The following ELFN1 variants were observed in gnomAD, a reference collection of about 807,000 sequenced individuals.
The protein encoded by ELFN1 is extracellular leucine rich repeat and fibronectin type III domain containing 1, also known as protein ELFN1.
In ELFN1, 6 loss-of-function variants were observed where a neutral mutation model predicts 7.6. That is an observed-to-expected ratio of 0.79 (90% CI 0.43 to 1.56). The LOEUF (loss-of-function observed/expected upper bound fraction) is 1.56, where lower values mean the gene tolerates loss of function less well. ELFN1 is among the 40% of genes most tolerant of loss of function. The pLI, the probability that ELFN1 is intolerant of heterozygous loss-of-function variation, is 0.01. For missense variants in ELFN1, 1,169 were observed against 1,232.2 expected, an observed-to-expected ratio of 0.95 and a Z score of 0.77; for synonymous variants, 657 against 588.1, an observed-to-expected ratio of 1.12 and a Z score of -1.70.
chr7:1,679,686 G>C (rs948216518), intron 1 of ELFN1, among the ~76,000 whole-genome samples: 1 of 152,222 alleles, frequency 6.6e-6, no homozygotes, highest in African/African-American at 2.4e-5. Context: ...CCCACCAAGC[G>C]GGGTGGCATT....
chr7:1,715,295 G>A (rs1779795411), intron 3 of ELFN1, among the ~76,000 whole-genome samples: 1 of 152,170 alleles, frequency 6.6e-6, no homozygotes, highest in Non-Finnish European at 1.5e-5. Flanking sequence ...GCTGGCATTT[G>A]TGAGATGAGC....
chr7:1,730,611 A>T (rs1269742937), intron 3 of ELFN1, among the ~76,000 whole-genome samples: 2 of 152,266 alleles, frequency 1.3e-5, no homozygotes, highest in Non-Finnish European at 2.9e-5. Context: ...AAGGCATTTG[A>T]TAAAATCCAG....
Position 1,705,448 on chromosome 7 carries a change from A to G in ELFN1, c.-455-3643A>G, listed in dbSNP as rs1364543984. Among the ~76,000 whole-genome samples, 10 of 152,060 alleles carry G rather than the reference A, an allele frequency of 6.6e-5. No individual in the cohort carries two copies. The East Asian group carries it at 1.9e-3, about 29-fold the overall frequency. On this transcript the variant is annotated intron_variant, in intron 2 of 3. Transcript: ENST00000424383. The surrounding 1 kb of genome is among the most constrained non-coding windows in gnomAD (Gnocchi z 4.3). ...TCTTCATCCTGGAAGGAGGAGGAGG[A>G]GCTCCCCCCAACCGCCAGGGTGCCA...
At chr7:1,727,134 G>C (rs1400953508) in intron 3 of ELFN1, among the ~76,000 whole-genome samples, 1 of 152,114 alleles carries the variant, frequency 6.6e-6, no homozygotes, top group African/African-American at 2.4e-5. Flanking sequence ...TTCCTTCCCT[G>C]CCCACACCCA....
At chr7:1,708,147 G>A (rs1265003067) in intron 2 of ELFN1, among the ~76,000 whole-genome samples, 1 of 152,186 alleles carries the variant, frequency 6.6e-6, no homozygotes, top group Non-Finnish European at 1.5e-5. Context: ...AGATGCAAAA[G>A]CATCATTCAT....
rs142663980 is a variant in ELFN1, at chr7:1,727,016, G to A, written c.-293-17288G>A. Reference sequence around the variant, plus strand: ...GCACACAGCAGCAGGCAACAGGATCGGTGTCCAGCATCGGGGTCGGGCTGT... The same window carrying A: ...GCACACAGCAGCAGGCAACAGGATCAGTGTCCAGCATCGGGGTCGGGCTGT... On this transcript the variant is annotated intron_variant, in intron 3 of 3. Coordinates refer to ENST00000424383, the MANE Select transcript of ELFN1 (RefSeq NM_001128636.4). Among the ~76,000 whole-genome samples, 23 of 152,300 alleles carry A rather than the reference G, an allele frequency of 1.5e-4. 1 individual carries two copies. Among genetic ancestry groups the A allele is most frequent in the South Asian group, 4.1e-4 (2 of 4,822 alleles).
rs1778806557 is a variant in ELFN1 at position 1,673,430 on chromosome 7, A to G, written c.-549+3076A>G. ...CACCCTGAGCCAGTCAGTGGCACCGACAGTAAACAGGAAGCAGGGTGGCAG... is the reference window on the plus strand; with the variant it reads ...CACCCTGAGCCAGTCAGTGGCACCGGCAGTAAACAGGAAGCAGGGTGGCAG... On this transcript the variant is annotated intron_variant, in intron 1 of 3. Transcript: ENST00000424383. This position sits in a 1 kb window ranked among gnomAD's most constrained non-coding sequence, Gnocchi z 4.7. Among the ~76,000 whole-genome samples, 1 of 152,148 alleles carries G rather than the reference A, an allele frequency of 6.6e-6. No individual in the cohort carries two copies. The highest frequency in any genetic ancestry group is 1.5e-5 in the Non-Finnish European group (1 of 68,012).
intron 3 of ELFN1, among the ~76,000 whole-genome samples, chr7:1,712,986 A>T (rs1023911668): frequency 6.6e-6 from 1 of 152,196 alleles, no homozygotes; most frequent in Non-Finnish European, 1.5e-5. Flanking sequence ...TACTGCCCTG[A>T]GCATGGAGTG....
At chr7:1,728,340 C>T (rs1260013653) in intron 3 of ELFN1, among the ~76,000 whole-genome samples, 2 of 152,268 alleles carry the variant, frequency 1.3e-5, no homozygotes, top group African/African-American at 4.8e-5. Flanking sequence ...CTCTTTCAGA[C>T]CAACCGCATT....
chr7:1,715,595 C>A (rs983407404), intron 3 of ELFN1, among the ~76,000 whole-genome samples: 3 of 152,254 alleles, frequency 2.0e-5, no homozygotes, highest in Non-Finnish European at 2.9e-5. Flanking sequence ...CCTCCTCCTG[C>A]AGGCAGGCCA....
At chr7:1,688,659 T>C (rs1779102248) in intron 2 of ELFN1, among the ~76,000 whole-genome samples, 1 of 152,194 alleles carries the variant, frequency 6.6e-6, no homozygotes, top group Non-Finnish European at 1.5e-5. Flanking sequence ...GTACAGTCCC[T>C]TGCAATTGTG....
chr7:1,670,497 GC>G lies in ELFN1; in HGVS notation c.-549+148del, dbSNP rs1419285533. 6.6e-6 allele frequency among the ~76,000 whole-genome samples: 1 copy of G among 151,238 alleles called. No homozygotes were observed. The highest frequency in any genetic ancestry group is 2.4e-5 in the African/African-American group (1 of 41,178). On this transcript the variant is annotated intron_variant, in intron 1 of 3. Transcript: ENST00000424383. The surrounding 1 kb of genome is among the most constrained non-coding windows in gnomAD (Gnocchi z 6.4). ...AGCGTGCGCCCCCAGCCCCTGCTGC[GC>G]CCCCAGGCCTGGCGCGCGATCCGAG...
chr7:1,742,243 G>A (rs1045817428), intron 3 of ELFN1: 1 of 152,296 alleles, frequency 6.6e-6, no homozygotes, highest in Non-Finnish European at 1.5e-5. Flanking sequence ...AGAGATTAAA[G>A]GTGATTACGA....
At chr7:1,732,728 G>GC (rs1278600102) in intron 3 of ELFN1, among the ~76,000 whole-genome samples, 1 of 151,996 alleles carries the variant, frequency 6.6e-6, no homozygotes, top group African/African-American at 2.4e-5. Flanking sequence ...GGAGAAATAT[G>GC]CCCCACGGAG....
At chr7:1,680,704 C>T (rs1382301006) in intron 1 of ELFN1, among the ~76,000 whole-genome samples, 1 of 151,592 alleles carries the variant, frequency 6.6e-6, no homozygotes, top group African/African-American at 2.4e-5. Context: ...CACCCCCAGG[C>T]ACTGATCTGC....
chr7:1,669,431 T>C (rs1462927579), upstream of ELFN1, among the ~76,000 whole-genome samples: 1 of 152,002 alleles, frequency 6.6e-6, no homozygotes, highest in Non-Finnish European at 1.5e-5. Context: ...CGCGGGCTTG[T>C]CCAGGCACCG....
intron 3 of ELFN1, among the ~76,000 whole-genome samples, chr7:1,725,765 G>A (rs1780174161): frequency 6.6e-6 from 1 of 152,096 alleles, no homozygotes; most frequent in Non-Finnish European, 1.5e-5. Flanking sequence ...ATGGCTGGAG[G>A]GGCCAGAGAA....
In ELFN1 at chr7:1,746,082, C is replaced by T. The variant is rs58696406; in HGVS notation, c.1486C>T (p.Arg496Cys). ...GCTGCTGGGCCCCGAGGCCGTGACG[C>T]GCATCCCTTACCTGCCTGCGGCCGG... ...GPLLGPEAVT[R>C]IPYLPAAGEV... is the part of the protein sequence containing the mutation. The change falls in exon 4 of 4, where the codon CGC (arginine) becomes TGC (cysteine). Residue 496 changes from arginine to cysteine, a missense_variant. Around this residue, in one of 2 missense-constraint regions of ELFN1, gnomAD observed 914 missense variants for 872.6 expected, o/e 1.05. Transcript: ENST00000424383. 59 of 1,547,162 alleles carry T rather than the reference C, an allele frequency of 3.8e-5. No individual in the cohort carries two copies. Among genetic ancestry groups the T allele is most frequent in the South Asian group, 2.9e-4 (24 of 83,880 alleles).
intron 3 of ELFN1, among the ~76,000 whole-genome samples, chr7:1,726,468 C>T (rs999523665): frequency 1.5e-4 from 23 of 152,260 alleles, no homozygotes; most frequent in African/African-American, 5.1e-4. Context: ...CGCCAAGTCC[C>T]TCCCCAAGGC....
Sources: allele counts gnomAD v4.1 joint callset (sites outside exome capture counted in the v4.1 genomes callset), GRCh38; gene constraint gnomAD v4.1.1; regional missense constraint gnomAD v4.1.1; non-coding constraint Gnocchi (gnomAD v3.1); transcripts MANE v1.5; gene names NCBI Gene and HGNC (gene_info 2026-07-23, HGNC 2026-07-21).